The following TEC variants were observed in gnomAD, a reference collection of about 807,000 sequenced individuals.
TEC encodes tyrosine-protein kinase Tec.
Under a neutral mutation model 93.0 loss-of-function variants are expected in TEC, and 72 were observed. That is an observed-to-expected ratio of 0.77 (90% CI 0.64 to 0.94). The LOEUF (loss-of-function observed/expected upper bound fraction) is 0.94, where lower values mean the gene tolerates loss of function less well. TEC is among the 40% of genes least tolerant of loss of function. TEC has a pLI of 0.00. For missense variants in TEC, 630 were observed against 757.9 expected (o/e 0.83, Z 1.98); for synonymous variants, 249 against 247.7 (o/e 1.01, Z -0.05).
At chr4:48,169,150 C>A (rs1720999930) in intron 5 of TEC, among the ~76,000 whole-genome samples, 2 of 152,086 alleles carry the variant, frequency 1.3e-5, no homozygotes, top group Admixed American at 1.3e-4. Flanking sequence ...CCATGGGCAT[C>A]CTTGACCCCC....
chr4:48,176,911 C>T (rs1176848431), intron 2 of TEC, among the ~76,000 whole-genome samples: 1 of 152,184 alleles, frequency 6.6e-6, no homozygotes, highest in Non-Finnish European at 1.5e-5. Flanking sequence ...CTGTTTTCCC[C>T]TTCACTGGGG....
At chr4:48,169,310 G>A (rs1436562406) in intron 5 of TEC, among the ~76,000 whole-genome samples, 1 of 152,058 alleles carries the variant, frequency 6.6e-6, no homozygotes. Flanking sequence ...TTAAGTCACT[G>A]TAACTTTTGG....
intron 1 of TEC, among the ~76,000 whole-genome samples, chr4:48,233,043 C>T (rs13120599): frequency 0.16 from 24,232 of 152,136 alleles, 2,148 homozygotes; most frequent in Non-Finnish European, 0.2. Context: ...AGGTTTATTT[C>T]GGAAGACTAT....
At chr4:48,203,630 G>A (rs1722606796) in intron 2 of TEC, among the ~76,000 whole-genome samples, 1 of 152,304 alleles carries the variant, frequency 6.6e-6, no homozygotes, top group African/African-American at 2.4e-5. Context: ...AAGTGAGTCT[G>A]AGACAGGGTG....
At chr4:48,145,840 G>A (rs1369370997) in intron 12 of TEC, among the ~76,000 whole-genome samples, 1 of 152,108 alleles carries the variant, frequency 6.6e-6, no homozygotes, top group South Asian at 2.1e-4. Context: ...TAGCCTGAAA[G>A]TTAAAGGTAC....
chr4:48,184,761 CAA>C (rs143623101), intron 2 of TEC, among the ~76,000 whole-genome samples: 10,004 of 114,496 alleles, frequency 0.087, 449 homozygotes, highest in South Asian at 0.15. Context: ...ACCAGGCAGA[CAA>C]AAAAAATACA....
intron 1 of TEC, among the ~76,000 whole-genome samples, chr4:48,231,562 C>T (rs545010110): frequency 6.6e-6 from 1 of 152,154 alleles, no homozygotes; most frequent in South Asian, 2.1e-4. Context: ...CAAGATCATC[C>T]TGGCTAACAC....
At chr4:48,207,741 T>C (rs777672447) in intron 2 of TEC, among the ~76,000 whole-genome samples, 4 of 152,058 alleles carry the variant, frequency 2.6e-5, no homozygotes, top group Non-Finnish European at 5.9e-5. Context: ...TAAGCCATGA[T>C]TGTACCACTG....
intron 14 of TEC, among the ~76,000 whole-genome samples, chr4:48,143,693 A>G (rs1719778980): frequency 6.6e-6 from 1 of 152,230 alleles, no homozygotes; most frequent in Non-Finnish European, 1.5e-5. Context: ...TTTTAATTCT[A>G]GAGAGCATAG....
At chr4:48,239,065 C>T (rs911290588) in intron 1 of TEC, among the ~76,000 whole-genome samples, 11 of 151,944 alleles carry the variant, frequency 7.2e-5, no homozygotes, top group Admixed American at 6.6e-4. Context: ...TTGTTATAGT[C>T]GGTTAACATT....
chr4:48,160,443 T>C (rs993146699), intron 8 of TEC, among the ~76,000 whole-genome samples: 1 of 152,004 alleles, frequency 6.6e-6, no homozygotes, highest in African/African-American at 2.4e-5. Flanking sequence ...AGAAAAACCT[T>C]TGGCCAGGGG....
rs561792342 is a variant in TEC, at chr4:48,253,562, A to G, written c.-46+16190T>C. Among the ~76,000 whole-genome samples the G allele has an allele frequency of 3.5e-5, 5 of 142,546 alleles. No homozygotes were observed. In the East Asian group the frequency reaches 1.0e-3, roughly 29 times the overall value. The allele number at this position is 142,546 out of a possible 152,430, so 93.5% of individuals were successfully genotyped here. A position where few individuals can be genotyped will look rare whatever the true frequency, so the allele number is the denominator to read the frequency against. On this transcript the variant is annotated intron_variant, in intron 1 of 17. Transcript: ENST00000381501. ...TCCTCAATCCTAAATAAATGTAATC[A>G]TGTCCAATTCTTTTTTTTTTTTTTT...
intron 1 of TEC, among the ~76,000 whole-genome samples, chr4:48,234,969 A>G (rs565576689): frequency 6.6e-6 from 1 of 152,316 alleles, no homozygotes; most frequent in East Asian, 1.9e-4. Flanking sequence ...CTCACAATTC[A>G]TGAGTCAGGG....
chr4:48,219,562 T>C (rs893462568), intron 2 of TEC, among the ~76,000 whole-genome samples: 1 of 152,224 alleles, frequency 6.6e-6, no homozygotes, highest in African/African-American at 2.4e-5. Context: ...TTAAAGTCTT[T>C]GATCTTTCTT....
At chr4:48,229,937 T>C (rs1460232849) in intron 1 of TEC, among the ~76,000 whole-genome samples, 2 of 151,402 alleles carry the variant, frequency 1.3e-5, no homozygotes, top group Admixed American at 6.6e-5. Context: ...TAGCTGGACA[T>C]GGTGGCAGGT....
Position 48,145,207 on chromosome 4 carries a change from C to T in TEC, c.1342G>A (p.Gly448Ser). ...IYIVTEFMER[G>S]CLLNFLRQRQ... is the part of the protein sequence containing the mutation. ...TGTCGGAGGAAATTCAGAAGGCAGC[C>T]CCTTTCCATGAACTCAGTAACAATG... The change falls in exon 14 of 18, where the codon GGC becomes AGC. Residue 448 changes from glycine to serine, a missense_variant. Coordinates refer to ENST00000381501, the MANE Select transcript of TEC (RefSeq NM_003215.3). 6.2e-7 allele frequency: 1 copy of T among 1,614,068 alleles called. No homozygotes were observed. The highest frequency in any genetic ancestry group is 8.5e-7 in the Non-Finnish European group (1 of 1,180,012).
At chr4:48,215,182 T>A (rs1577645019) in intron 2 of TEC, among the ~76,000 whole-genome samples, 1 of 152,106 alleles carries the variant, frequency 6.6e-6, no homozygotes, top group East Asian at 1.9e-4. Context: ...AATAATTTTT[T>A]AAATTACATG....
At chr4:48,141,993 C>A (rs1210359495) in intron 14 of TEC, among the ~76,000 whole-genome samples, 2 of 152,210 alleles carry the variant, frequency 1.3e-5, no homozygotes, top group Admixed American at 1.3e-4. Context: ...AGGGTCAACT[C>A]ACTTTTCTCC....
intron 1 of TEC, among the ~76,000 whole-genome samples, chr4:48,250,278 T>C (rs1724166601): frequency 6.6e-6 from 1 of 152,254 alleles, no homozygotes; most frequent in Admixed American, 6.5e-5. Flanking sequence ...TACTCAAATC[T>C]AATTCATCAG....
Sources: allele counts gnomAD v4.1 joint callset (sites outside exome capture counted in the v4.1 genomes callset), GRCh38; gene constraint gnomAD v4.1.1; transcripts MANE v1.5; gene names NCBI Gene and HGNC (gene_info 2026-07-23, HGNC 2026-07-21).